Variants in ATP6V1H observed in about 807,000 individuals in gnomAD.
ATP6V1H encodes ATPase H+ transporting V1 subunit H, also known as V-type proton ATPase subunit H.
In ATP6V1H, 39 loss-of-function variants were observed where a neutral mutation model predicts 71.7. That is an observed-to-expected ratio of 0.54 (90% CI 0.42 to 0.71). The LOEUF is 0.71. Ranked by LOEUF, ATP6V1H falls within the 30% of genes least tolerant of loss-of-function variation. ATP6V1H has a pLI of 0.00. For missense variants in ATP6V1H, 509 were observed against 594.9 expected, an observed-to-expected ratio of 0.86 and a Z score of 1.50; for synonymous variants, 192 against 199.3, an observed-to-expected ratio of 0.96 and a Z score of 0.31.
chr8:53,806,998 G>C (rs1810097260), intron 7 of ATP6V1H: 1 of 330,716 alleles, frequency 3.0e-6, no homozygotes, highest in Non-Finnish European at 6.1e-6. Flanking sequence ...AATTGCCTGT[G>C]AGTTACTCCA....
chr8:53,763,186 C>T (rs543486746), intron 11 of ATP6V1H, among the ~76,000 whole-genome samples: 1 of 152,228 alleles, frequency 6.6e-6, no homozygotes, highest in Admixed American at 6.5e-5. Flanking sequence ...GTCGGCATCC[C>T]TAATTCCTGC....
intron 11 of ATP6V1H, among the ~76,000 whole-genome samples, chr8:53,765,084 G>A (rs1808403787): frequency 1.3e-5 from 2 of 152,054 alleles, no homozygotes; most frequent in East Asian, 3.9e-4. Context: ...CAATCTGGGT[G>A]ACAGAGCTAG....
intron 5 of ATP6V1H, among the ~76,000 whole-genome samples, chr8:53,815,852 T>A (rs911878336): frequency 1.2e-4 from 19 of 152,174 alleles, no homozygotes; most frequent in African/African-American, 4.3e-4. Context: ...CAGCACATGG[T>A]TAAACCAATG....
Position 53,765,205 on chromosome 8 carries a change from T to C in ATP6V1H, c.1175+4413A>G, listed in dbSNP as rs192119908. 2.2e-3 allele frequency among the ~76,000 whole-genome samples: 335 copies of C among 151,934 alleles called. 2 individuals are homozygous for C. The highest frequency in any genetic ancestry group is 7.8e-3 in the African/African-American group (324 of 41,422). The stretch of plus-strand genomic sequence containing the variant: ...GATCACGAGGTCAGGAGTTAGAGAC[T>C]GGCCTGGCCAACATGGTGAAACCCC... On this transcript the variant is annotated intron_variant, in intron 11 of 13. Transcript: ENST00000359530.
chr8:53,816,800 A>T (rs968721943), intron 5 of ATP6V1H, among the ~76,000 whole-genome samples: 18 of 152,230 alleles, frequency 1.2e-4, no homozygotes, highest in Non-Finnish European at 2.4e-4. Flanking sequence ...GTCTCAAAAA[A>T]AAAACCAGAG....
At chr8:53,806,591 A>G (rs972399505) in intron 7 of ATP6V1H, among the ~76,000 whole-genome samples, 1 of 152,180 alleles carries the variant, frequency 6.6e-6, no homozygotes, top group Non-Finnish European at 1.5e-5. Context: ...ATAACTAAAA[A>G]AAAGTGATTT....
chr8:53,774,998 T>A (rs541330157), intron 9 of ATP6V1H, among the ~76,000 whole-genome samples: 48 of 152,378 alleles, frequency 3.2e-4, no homozygotes, highest in African/African-American at 1.1e-3. Flanking sequence ...TTGGTCTCAC[T>A]GACTTCAAGA....
intron 12 of ATP6V1H, among the ~76,000 whole-genome samples, chr8:53,753,079 G>A (rs1477030144): frequency 4.1e-5 from 6 of 146,380 alleles, no homozygotes; most frequent in Admixed American, 6.8e-5. Flanking sequence ...GAGAAACCAT[G>A]CCTTTTTTTT....
At chr8:53,811,963 T>C (rs1310008523) in intron 6 of ATP6V1H, among the ~76,000 whole-genome samples, 1 of 152,158 alleles carries the variant, frequency 6.6e-6, no homozygotes, top group African/African-American at 2.4e-5. Flanking sequence ...ATTAGAATCA[T>C]GAAATTGTGG....
chr8:53,827,932 G>C (rs1294754715), intron 4 of ATP6V1H, among the ~76,000 whole-genome samples: 1 of 152,154 alleles, frequency 6.6e-6, no homozygotes, highest in Non-Finnish European at 1.5e-5. Context: ...TTCCTGCAAA[G>C]GACATGCTCT....
At chr8:53,803,318 C>T (rs1222001829) in intron 7 of ATP6V1H, among the ~76,000 whole-genome samples, 1 of 151,566 alleles carries the variant, frequency 6.6e-6, no homozygotes, top group Non-Finnish European at 1.5e-5. Flanking sequence ...GCCTGGGTGA[C>T]AGAGTGAGAC....
chr8:53,806,947 A>G, intron 7 of ATP6V1H: 2 of 434,332 alleles, frequency 4.6e-6, no homozygotes, highest in South Asian at 3.3e-5. Context: ...GTAAAGTTGA[A>G]AAATCATAAG....
intron 9 of ATP6V1H, among the ~76,000 whole-genome samples, chr8:53,783,194 C>T (rs1259391895): frequency 6.6e-6 from 1 of 151,996 alleles, no homozygotes; most frequent in South Asian, 2.1e-4. Flanking sequence ...GGTTGGTAAG[C>T]TATTAATTAT....
chr8:53,783,890 C>T (rs1809263293), intron 9 of ATP6V1H, among the ~76,000 whole-genome samples: 1 of 152,180 alleles, frequency 6.6e-6, no homozygotes, highest in Non-Finnish European at 1.5e-5. Flanking sequence ...AGTTTGATTG[C>T]ACTGTGGTCT....
At position 53,843,182 on chromosome 8, in the gene ATP6V1H, T is replaced by C. The variant is rs927806546; in HGVS notation, c.-184A>G. On this transcript the variant is annotated 5_prime_UTR_variant, in exon 1 of 14. Coordinates refer to ENST00000359530, the MANE Select transcript of ATP6V1H (RefSeq NM_015941.4). ...AGAGGTCTGAGCAGTGGAGGGAGACTCCGGGAGCCGAAAGTGAAGCGGGTC... is the reference window on the plus strand; with the variant it reads ...AGAGGTCTGAGCAGTGGAGGGAGACCCCGGGAGCCGAAAGTGAAGCGGGTC... The C allele has an allele frequency of 2.0e-5, 3 of 152,282 alleles. No individual in the cohort carries two copies. The highest frequency in any genetic ancestry group is 4.4e-5 in the Non-Finnish European group (3 of 68,176). The allele number at this position is 152,282 out of a possible 1,614,324, so 9.4% of individuals were successfully genotyped here. A position where few individuals can be genotyped will look rare whatever the true frequency, so the allele number is the denominator to read the frequency against.
Position 53,809,286 on chromosome 8 carries a change from G to T in ATP6V1H, c.579+1878C>A, listed in dbSNP as rs144990027. ...GAGTAAGCGTCAGGCACATAGTTAAGTGCTCAATGAATATTAGCTGCTATA... is the reference window on the plus strand; with the variant it reads ...GAGTAAGCGTCAGGCACATAGTTAATTGCTCAATGAATATTAGCTGCTATA... On this transcript the variant is annotated intron_variant, in intron 7 of 13. Coordinates refer to ENST00000359530, the MANE Select transcript of ATP6V1H (RefSeq NM_015941.4). Among the ~76,000 whole-genome samples, 71 of 152,304 alleles carry T rather than the reference G, an allele frequency of 4.7e-4. 2 individuals carry two copies. The South Asian group carries it at 0.013, about 29-fold the overall frequency.
chr8:53,744,615 T>C (rs1470278880), intron 12 of ATP6V1H, among the ~76,000 whole-genome samples: 2 of 152,048 alleles, frequency 1.3e-5, no homozygotes, highest in South Asian at 2.1e-4. Flanking sequence ...GTTTCTGGGG[T>C]CAGGAAGAAA....
chr8:53,790,001 G>T (rs1563468138), intron 9 of ATP6V1H, among the ~76,000 whole-genome samples: 1 of 152,098 alleles, frequency 6.6e-6, no homozygotes, highest in Non-Finnish European at 1.5e-5. Context: ...TTTCCTAACA[G>T]TTTAGCAGTT....
At chr8:53,828,900 G>C (rs542338414) in intron 4 of ATP6V1H, among the ~76,000 whole-genome samples, 1 of 152,194 alleles carries the variant, frequency 6.6e-6, no homozygotes, top group African/African-American at 2.4e-5. Flanking sequence ...ATACTCTAGT[G>C]TAAAATACAT....
Sources: gnomAD v4.1 joint callset for allele counts (sites outside exome capture counted in the v4.1 genomes callset) on GRCh38, gnomAD v4.1.1 for gene constraint, MANE v1.5 for transcripts, NCBI Gene and HGNC (gene_info 2026-07-23, HGNC 2026-07-21) for gene names.